GALNT18: variants seen among roughly 807,000 people sequenced by gnomAD.
GALNT18 encodes polypeptide N-acetylgalactosaminyltransferase 18, also known as GalNAc-transferase 18.
GALNT18 carries 44 observed loss-of-function variants against 69.5 expected under a neutral mutation model. That is an observed-to-expected ratio of 0.63 (90% CI 0.50 to 0.81). The LOEUF is 0.81. GALNT18 is among the 40% of genes least tolerant of loss of function. The pLI is 0.00. For missense variants in GALNT18, 715 were observed against 810.0 expected (o/e 0.88, Z 1.42); for synonymous variants, 364 against 318.2 (o/e 1.14, Z -1.53).
intron 9 of GALNT18, among the ~76,000 whole-genome samples, chr11:11,294,959 T>C (rs1033101226): frequency 1.3e-5 from 2 of 152,252 alleles, no homozygotes; most frequent in African/African-American, 4.8e-5. Context: ...GTGTTCTCTC[T>C]GGTTATCTTG....
rs1195680348 is a variant in GALNT18, at chr11:11,372,655, G to T, written c.978-26C>A. 1.1e-5 allele frequency: 18 copies of T among 1,581,230 alleles called. No individual in the cohort carries two copies. Among genetic ancestry groups the T allele is most frequent in the African/African-American group, 1.3e-5 (1 of 74,296 alleles). Reference sequence around the variant, plus strand: ...CTGCAGGGGCAGGGGAGAGCAGAAGGGCTGTCTGGTGCAGCTGTCCGAGGA... The same window carrying T: ...CTGCAGGGGCAGGGGAGAGCAGAAGTGCTGTCTGGTGCAGCTGTCCGAGGA... On this transcript the variant is annotated intron_variant, in intron 5 of 10. Transcript: ENST00000227756. This position sits in a 1 kb window ranked among gnomAD's most constrained non-coding sequence, Gnocchi z 4.9.
chr11:11,547,342 C>G (rs951099222), intron 1 of GALNT18, among the ~76,000 whole-genome samples: 3 of 152,226 alleles, frequency 2.0e-5, no homozygotes, highest in Non-Finnish European at 4.4e-5. Context: ...TGTGCAACTT[C>G]AGGCTCAGGT....
Position 11,404,338 on chromosome 11 carries a change from T to C in GALNT18, c.596-25074A>G, listed in dbSNP as rs1472181453. 6.6e-6 allele frequency among the ~76,000 whole-genome samples: 1 copy of C among 152,186 alleles called. No homozygotes were observed. Among genetic ancestry groups the C allele is most frequent in the Non-Finnish European group, 1.5e-5 (1 of 68,034 alleles). On this transcript the variant is annotated intron_variant, in intron 3 of 10. Coordinates refer to ENST00000227756, the MANE Select transcript of GALNT18 (RefSeq NM_198516.3). This position sits in a 1 kb window ranked among gnomAD's most constrained non-coding sequence, Gnocchi z 4.5. ...AATAGGGGTAAGACAAGCGGGTATA[T>C]TAGTTGGATTCAACTTCGGCTGCTT...
Position 11,469,907 on chromosome 11 carries a change from C to T in GALNT18, c.236-20971G>A, listed in dbSNP as rs556237479. On this transcript the variant is annotated intron_variant, in intron 1 of 10. Coordinates refer to ENST00000227756, the MANE Select transcript of GALNT18 (RefSeq NM_198516.3). The surrounding 1 kb of genome is among the most constrained non-coding windows in gnomAD (Gnocchi z 4.2). ...TTAAGGACATAGTCATTCCATCAGG[C>T]CCCCAGAACAGGGTCCCTAGTCACA... Among the ~76,000 whole-genome samples, 1 of 152,282 alleles carries T rather than the reference C, an allele frequency of 6.6e-6. No homozygotes were observed. Among genetic ancestry groups the T allele is most frequent in the South Asian group, 2.1e-4 (1 of 4,830 alleles).
chr11:11,297,803 G>C (rs1849428381), intron 9 of GALNT18, among the ~76,000 whole-genome samples: 1 of 151,494 alleles, frequency 6.6e-6, no homozygotes, highest in African/African-American at 2.4e-5. Flanking sequence ...GCCAATGATT[G>C]ATTTGGCTCA....
rs753642746 is a variant in GALNT18, at chr11:11,470,413, C to T, written c.236-21477G>A. Among the ~76,000 whole-genome samples the T allele has an allele frequency of 6.6e-6, 1 of 152,168 alleles. No individual in the cohort carries two copies. Among genetic ancestry groups the T allele is most frequent in the Non-Finnish European group, 1.5e-5 (1 of 68,032 alleles). On this transcript the variant is annotated intron_variant, in intron 1 of 10. Coordinates refer to ENST00000227756, the MANE Select transcript of GALNT18 (RefSeq NM_198516.3). The surrounding 1 kb of genome is among the most constrained non-coding windows in gnomAD (Gnocchi z 4.8). The stretch of plus-strand genomic sequence containing the variant: ...CCATCTTAGAAGACAAGAAGAAGCC[C>T]CCTATCCTTCTCCATTTATCTCACT...
chr11:11,277,453 C>T (rs1434911656), intron 10 of GALNT18, among the ~76,000 whole-genome samples: 3 of 151,938 alleles, frequency 2.0e-5, no homozygotes, highest in African/African-American at 7.3e-5. Flanking sequence ...AAAAACCAGC[C>T]CCTGGATTCA....
chr11:11,399,741 A>G (rs1390788808), intron 3 of GALNT18, among the ~76,000 whole-genome samples: 2 of 152,228 alleles, frequency 1.3e-5, no homozygotes, highest in African/African-American at 4.8e-5. Context: ...AATTAGGAAC[A>G]ATAACAGAAC....
rs1393793897 is a variant in GALNT18 at position 11,436,212 on chromosome 11, A to G, written c.429-3425T>C. Among the ~76,000 whole-genome samples the G allele has an allele frequency of 6.6e-6, 1 of 152,226 alleles. No homozygotes were observed. The highest frequency in any genetic ancestry group is 1.5e-5 in the Non-Finnish European group (1 of 68,040). ...CCACCTTGCTGTGTGACCATGAATG[A>G]GCCACCTTCCCTCTCTGCTCTATGT... On this transcript the variant is annotated intron_variant, in intron 2 of 10. Transcript: ENST00000227756. This position sits in a 1 kb window ranked among gnomAD's most constrained non-coding sequence, Gnocchi z 4.5.
At chr11:11,287,869 G>A (rs1849222086) in intron 10 of GALNT18, among the ~76,000 whole-genome samples, 1 of 152,164 alleles carries the variant, frequency 6.6e-6, no homozygotes, top group African/African-American at 2.4e-5. Flanking sequence ...CAATGGTCCT[G>A]TATTGAGAAC....
rs868462788 is a variant in GALNT18, at chr11:11,493,747, G to C, written c.236-44811C>G. On this transcript the variant is annotated intron_variant, in intron 1 of 10. Coordinates refer to ENST00000227756, the MANE Select transcript of GALNT18 (RefSeq NM_198516.3). ...CTAAGGCCCAAGAAATTGGAAAGTCGTGTTTCTGCTCTGGAACTTCAGAAC... is the reference window on the plus strand; with the variant it reads ...CTAAGGCCCAAGAAATTGGAAAGTCCTGTTTCTGCTCTGGAACTTCAGAAC... Among the ~76,000 whole-genome samples the C allele has an allele frequency of 4.2e-5, 4 of 95,812 alleles. No individual in the cohort carries two copies. The South Asian group carries it at 1.5e-3, about 36-fold the overall frequency. The allele number at this position is 95,812 out of a possible 152,430, so 62.9% of individuals were successfully genotyped here.
chr11:11,334,543 C>A (rs369485562), intron 7 of GALNT18, among the ~76,000 whole-genome samples: 49 of 139,020 alleles, frequency 3.5e-4, no homozygotes, highest in Admixed American at 3.6e-4. Flanking sequence ...ACTCCGTCTC[C>A]AAAAAAAAAA....
intron 1 of GALNT18, among the ~76,000 whole-genome samples, chr11:11,472,487 TG>T (rs1047718324): frequency 3.3e-5 from 5 of 152,216 alleles, no homozygotes. Context: ...TAGTTCTTTC[TG>T]GGCTGTGCAA....
chr11:11,354,362 C>A (rs375841195), intron 6 of GALNT18, among the ~76,000 whole-genome samples: 26 of 152,154 alleles, frequency 1.7e-4, no homozygotes, highest in African/African-American at 6.3e-4. Flanking sequence ...GATCCAAGAG[C>A]CTGCCTTTTG....
At chr11:11,278,543 C>T (rs892513219) in intron 10 of GALNT18, among the ~76,000 whole-genome samples, 54 of 151,592 alleles carry the variant, frequency 3.6e-4, no homozygotes, top group African/African-American at 1.2e-3. Flanking sequence ...TTTGCAACAA[C>T]ATGGATAGAA....
chr11:11,284,252 C>T (rs189159222), intron 10 of GALNT18, among the ~76,000 whole-genome samples: 1 of 152,192 alleles, frequency 6.6e-6, no homozygotes, highest in African/African-American at 2.4e-5. Flanking sequence ...CCTCAGTTTC[C>T]CAAGTGTGTC....
chr11:11,399,249 A>T (rs1589969956), intron 3 of GALNT18, among the ~76,000 whole-genome samples: 1 of 152,228 alleles, frequency 6.6e-6, no homozygotes, highest in Non-Finnish European at 1.5e-5. Context: ...CACCCTGACT[A>T]TGCTGGCACC....
chr11:11,563,229 C>T lies in GALNT18; in HGVS notation c.235+58130G>A, dbSNP rs2133986149. 6.6e-6 allele frequency among the ~76,000 whole-genome samples: 1 copy of T among 152,298 alleles called. No homozygotes were observed. The highest frequency in any genetic ancestry group is 1.5e-5 in the Non-Finnish European group (1 of 68,026). ...AGCCATAATGTGGCTGTTCACCTTG[C>T]ACCTCCCCGGATCAAGAGACTTGGC... On this transcript the variant is annotated intron_variant, in intron 1 of 10. Transcript: ENST00000227756. This position sits in a 1 kb window ranked among gnomAD's most constrained non-coding sequence, Gnocchi z 4.6.
In GALNT18 at chr11:11,415,957, T is replaced by A. The variant is rs776401214; in HGVS notation, c.595+16664A>T. Among the ~76,000 whole-genome samples, 27 of 152,250 alleles carry A rather than the reference T, an allele frequency of 1.8e-4. 2 individuals carry two copies. Among genetic ancestry groups the A allele is most frequent in the Admixed American group, 2.0e-4 (3 of 15,286 alleles). ...AGAAAGATTAAACAGCAACCTTGAATGTTCTTTTCGGAGAAAATAAAATCA... is the reference window on the plus strand; with the variant it reads ...AGAAAGATTAAACAGCAACCTTGAAAGTTCTTTTCGGAGAAAATAAAATCA... On this transcript the variant is annotated intron_variant, in intron 3 of 10. Coordinates refer to ENST00000227756, the MANE Select transcript of GALNT18 (RefSeq NM_198516.3). This position sits in a 1 kb window ranked among gnomAD's most constrained non-coding sequence, Gnocchi z 4.1.
Sources: gnomAD v4.1 joint callset for allele counts (sites outside exome capture counted in the v4.1 genomes callset) on GRCh38, gnomAD v4.1.1 for gene constraint, Gnocchi (gnomAD v3.1) non-coding constraint, MANE v1.5 for transcripts, NCBI Gene and HGNC (gene_info 2026-07-23, HGNC 2026-07-21) for gene names.